GRID2: variants seen among roughly 807,000 people sequenced by gnomAD.
GRID2 encodes the protein glutamate ionotropic receptor delta type subunit 2.
GRID2 carries 33 observed loss-of-function variants against 114.8 expected under a neutral mutation model. That is an observed-to-expected ratio of 0.29 (90% CI 0.22 to 0.38). GRID2 has a LOEUF of 0.38. Ranked by LOEUF, GRID2 falls within the 10% of genes least tolerant of loss-of-function variation. The pLI is 1.00. For missense variants in GRID2, 1,184 were observed against 1,257.7 expected, an observed-to-expected ratio of 0.94 and a Z score of 0.89; for synonymous variants, 505 against 449.9, an observed-to-expected ratio of 1.12 and a Z score of -1.55.
chr4:93,465,617 C>T (rs746209980), intron 11 of GRID2, among the ~76,000 whole-genome samples: 37 of 152,122 alleles, frequency 2.4e-4, no homozygotes, highest in Non-Finnish European at 5.1e-4. Flanking sequence ...ACAAAGTCGG[C>T]ACAGAACATT....
At chr4:93,210,878 A>AT (rs1743386178) in intron 5 of GRID2, among the ~76,000 whole-genome samples, 1 of 151,844 alleles carries the variant, frequency 6.6e-6, no homozygotes, top group Admixed American at 6.6e-5. Context: ...GATTCTTCTA[A>AT]TTTTTTGTTT....
At chr4:92,444,408 A>G (rs62521324) in intron 1 of GRID2, among the ~76,000 whole-genome samples, 3 of 152,214 alleles carry the variant, frequency 2.0e-5, no homozygotes, top group Non-Finnish European at 4.4e-5. Flanking sequence ...AGTGGGGGTC[A>G]CAAGGTGCTC....
intron 2 of GRID2, among the ~76,000 whole-genome samples, chr4:92,990,667 C>A (rs563296897): frequency 3.3e-5 from 5 of 151,524 alleles, no homozygotes; most frequent in Non-Finnish European, 7.4e-5. Flanking sequence ...ATTTACATTG[C>A]AAATATTATA....
At chr4:92,456,670 A>T (rs959800980) in intron 1 of GRID2, among the ~76,000 whole-genome samples, 11 of 152,174 alleles carry the variant, frequency 7.2e-5, no homozygotes, top group Non-Finnish European at 5.9e-5. Flanking sequence ...TTTGGGATCT[A>T]TATGATATGA....
intron 2 of GRID2, among the ~76,000 whole-genome samples, chr4:92,691,253 A>G (rs533392578): frequency 8.8e-4 from 134 of 152,278 alleles, no homozygotes; most frequent in African/African-American, 3.0e-3. Context: ...AAATTATGGT[A>G]CTTTGCTGAA....
intron 2 of GRID2, among the ~76,000 whole-genome samples, chr4:92,919,377 T>C (rs1195772666): frequency 3.3e-5 from 5 of 152,230 alleles, no homozygotes; most frequent in Non-Finnish European, 7.3e-5. Context: ...ATCTTAGTTA[T>C]TTCTTGCCTT....
At chr4:93,428,482 GA>G (rs944472359) in intron 10 of GRID2, among the ~76,000 whole-genome samples, 14 of 151,868 alleles carry the variant, frequency 9.2e-5, no homozygotes, top group Admixed American at 2.6e-4. Context: ...ACTCAATTCA[GA>G]AAAAAAGATT....
intron 4 of GRID2, among the ~76,000 whole-genome samples, chr4:93,129,165 A>C (rs1321479530): frequency 6.6e-6 from 1 of 152,156 alleles, no homozygotes. Context: ...CACACAAATA[A>C]CTTTTTTATT....
intron 8 of GRID2, among the ~76,000 whole-genome samples, chr4:93,272,680 C>A (rs1039592200): frequency 1.3e-5 from 2 of 152,124 alleles, no homozygotes; most frequent in African/African-American, 4.8e-5. Context: ...TAAGATAATT[C>A]TAGCTGATAT....
chr4:92,524,046 A>G (rs568943592), intron 1 of GRID2, among the ~76,000 whole-genome samples: 2 of 152,178 alleles, frequency 1.3e-5, no homozygotes, highest in African/African-American at 2.4e-5. Context: ...AGGAAGAACA[A>G]TCCTTCAGAT....
chr4:92,989,874 A>G (rs1182590669), intron 2 of GRID2, among the ~76,000 whole-genome samples: 1 of 152,194 alleles, frequency 6.6e-6, no homozygotes, highest in South Asian at 2.1e-4. Context: ...TATGAAAGAA[A>G]GAAAAAACAT....
chr4:92,797,575 A>G (rs1739949257), intron 2 of GRID2, among the ~76,000 whole-genome samples: 1 of 151,990 alleles, frequency 6.6e-6, no homozygotes, highest in Non-Finnish European at 1.5e-5. Context: ...ATTTGCATAC[A>G]CTTTTAAGTT....
chr4:93,536,948 A>G (rs1030651652), intron 13 of GRID2, among the ~76,000 whole-genome samples: 1 of 151,596 alleles, frequency 6.6e-6, no homozygotes, highest in South Asian at 2.1e-4. Context: ...GTCATTGGTG[A>G]CATACCTCGC....
At chr4:92,859,585 A>AT (rs1578327682) in intron 2 of GRID2, among the ~76,000 whole-genome samples, 1 of 152,110 alleles carries the variant, frequency 6.6e-6, no homozygotes, top group Non-Finnish European at 1.5e-5. Context: ...ATATCCTCAG[A>AT]TTTTTTCCTT....
At chr4:93,125,467 T>C (rs1182418727) in intron 4 of GRID2, among the ~76,000 whole-genome samples, 1 of 152,146 alleles carries the variant, frequency 6.6e-6, no homozygotes, top group Non-Finnish European at 1.5e-5. Context: ...TATTAATTGA[T>C]GGCTAGTTGA....
chr4:93,782,036 C>T (rs111263531), intron 1 of GRID2, among the ~76,000 whole-genome samples: 134 of 152,210 alleles, frequency 8.8e-4, no homozygotes, highest in African/African-American at 3.1e-3. Context: ...AGTAGTTCTC[C>T]GCTGGTTCTT....
intron 1 of GRID2, among the ~76,000 whole-genome samples, chr4:92,582,950 A>G (rs1728251907): frequency 6.6e-6 from 1 of 151,966 alleles, no homozygotes; most frequent in Non-Finnish European, 1.5e-5. Flanking sequence ...CTGTATAATT[A>G]CACTCTAGCC....
intron 1 of GRID2, among the ~76,000 whole-genome samples, chr4:92,529,085 G>A (rs571849837): frequency 1.3e-5 from 2 of 152,054 alleles, no homozygotes; most frequent in African/African-American, 2.4e-5. Flanking sequence ...AGAAACCAAC[G>A]CTGAACTTCG....
intron 13 of GRID2, among the ~76,000 whole-genome samples, chr4:93,617,127 G>A (rs1741756857): frequency 6.6e-6 from 1 of 152,132 alleles, no homozygotes; most frequent in Non-Finnish European, 1.5e-5. Flanking sequence ...AAACATTCAA[G>A]TAAGATCTGA....
Sources: allele counts gnomAD v4.1 joint callset (sites outside exome capture counted in the v4.1 genomes callset), GRCh38; gene constraint gnomAD v4.1.1; transcripts MANE v1.5; gene names NCBI Gene and HGNC (gene_info 2026-07-23, HGNC 2026-07-21).